The following TBC1D31 variants were observed in gnomAD, a reference collection of about 807,000 sequenced individuals.
TBC1D31 encodes the protein WD repeat domain 67.
In TBC1D31, 99 loss-of-function variants were observed where a neutral mutation model predicts 132.9. The observed-to-expected ratio is 0.74, with a 90% CI of 0.63 to 0.88. The LOEUF is 0.88. Among genes scored for constraint, TBC1D31 ranks in the 40% least tolerant of loss-of-function variants. The pLI is 0.00. For missense variants in TBC1D31, 1,134 were observed against 1,256.6 expected (o/e 0.90, Z 1.48); for synonymous variants, 385 against 419.4 (o/e 0.92, Z 1.00).
downstream of TBC1D31, among the ~76,000 whole-genome samples, chr8:123,154,302 G>T (rs1207552813): frequency 6.6e-6 from 1 of 152,192 alleles, no homozygotes; most frequent in East Asian, 1.9e-4. Context: ...CAACTATGAA[G>T]ACGTAAAGAG....
rs143785557 is a variant in TBC1D31 at position 123,105,532 on chromosome 8, A to G, written c.1209+68A>G. ...AGACAAGTCTTGTGATTTCTAAGCC[A>G]TCACCACTCTTCTCTCTCTTGGGAA... is the stretch of plus-strand genomic sequence containing the variant. On this transcript the variant is annotated intron_variant, in intron 8 of 21. Coordinates refer to ENST00000287380, the MANE Select transcript of TBC1D31 (RefSeq NM_145647.4). 16 of 1,275,866 alleles carry G rather than the reference A, an allele frequency of 1.3e-5. No homozygotes were observed. In the East Asian group the frequency reaches 3.4e-4, roughly 27 times the overall value. 79.0% of individuals were successfully genotyped at this position (1,275,866 alleles called of 1,614,324 possible). A position where few individuals can be genotyped will look rare whatever the true frequency, so the allele number is the denominator to read the frequency against.
intron 11 of TBC1D31, among the ~76,000 whole-genome samples, chr8:123,121,384 G>A (rs78026821): frequency 0.014 from 2,097 of 152,274 alleles, 40 homozygotes; most frequent in African/African-American, 0.048. Flanking sequence ...TCCCCAAAAG[G>A]GTTGTCATAT....
At chr8:123,129,955 T>C (rs1820447055) in intron 15 of TBC1D31, among the ~76,000 whole-genome samples, 1 of 152,212 alleles carries the variant, frequency 6.6e-6, no homozygotes, top group Non-Finnish European at 1.5e-5. Flanking sequence ...TGGAACTTTA[T>C]GTAACAGATT....
At chr8:123,078,859 C>G (rs1389629760) in intron 2 of TBC1D31, among the ~76,000 whole-genome samples, 1 of 152,004 alleles carries the variant, frequency 6.6e-6, no homozygotes, top group Non-Finnish European at 1.5e-5. Context: ...CCACAAAATA[C>G]TTATTAATTA....
chr8:123,093,734 TG>T lies in TBC1D31; in HGVS notation c.664del (p.Val222Ter), dbSNP rs1187849411. ...CTAGTATATTATACAAAGTGTTTGC[TG>T]TAACCAGGTAATGTGCATTTTAAGA... is the stretch of plus-strand genomic sequence containing the variant. ...SSSILYKVFA[V>X]TRDGRILAAG... On this transcript the variant is annotated frameshift_variant, in exon 5 of 22. Transcript: ENST00000287380. LOFTEE classifies it high-confidence loss of function. The T allele has an allele frequency of 4.4e-6, 7 of 1,580,580 alleles. No homozygotes were observed. Among genetic ancestry groups the T allele is most frequent in the Non-Finnish European group, 6.0e-6 (7 of 1,159,580 alleles).
chr8:123,138,962 A>C (rs891190338), intron 17 of TBC1D31, among the ~76,000 whole-genome samples: 2 of 152,058 alleles, frequency 1.3e-5, no homozygotes, highest in Non-Finnish European at 2.9e-5. Context: ...GGCGCACACC[A>C]TCACACCCTG....
At chr8:123,133,997 C>T in intron 16 of TBC1D31, 117 bp from the exon 17 acceptor site, 4 of 632,096 alleles carry the variant, frequency 6.3e-6, no homozygotes, top group South Asian at 2.9e-5. Context: ...TTCAAAAACC[C>T]AGTTGCTGTT....
chr8:123,092,176 G>A (rs1243262651), intron 4 of TBC1D31, among the ~76,000 whole-genome samples: 16 of 152,026 alleles, frequency 1.1e-4, no homozygotes, highest in African/African-American at 3.4e-4. Context: ...CACCACACCC[G>A]GCTAATTTTT....
chr8:123,112,786 G>C (rs1818572926), intron 10 of TBC1D31, among the ~76,000 whole-genome samples: 1 of 152,162 alleles, frequency 6.6e-6, no homozygotes, highest in African/African-American at 2.4e-5. Context: ...TTTTCAATTA[G>C]AGAAAACATC....
chr8:123,154,844 G>A (rs968923500), downstream of TBC1D31, among the ~76,000 whole-genome samples: 15 of 152,212 alleles, frequency 9.9e-5, no homozygotes, highest in South Asian at 2.1e-4. Context: ...CTGGTGGGCC[G>A]TGAAGCAAGA....
intron 5 of TBC1D31, among the ~76,000 whole-genome samples, chr8:123,094,488 T>C (rs915307997): frequency 6.6e-6 from 1 of 152,060 alleles, no homozygotes; most frequent in African/African-American, 2.4e-5. Context: ...TTTGGAAATA[T>C]AACCATAGTA....
At chr8:123,139,954 C>G (rs1821465340) in intron 17 of TBC1D31, among the ~76,000 whole-genome samples, 1 of 152,148 alleles carries the variant, frequency 6.6e-6, no homozygotes, top group Admixed American at 6.5e-5. Context: ...TTTCAGGGAC[C>G]ACCAGACAGG....
chr8:123,101,059 A>T (rs1433986339), intron 7 of TBC1D31, 52 bp downstream of exon 7: 1 of 1,259,388 alleles, frequency 7.9e-7, no homozygotes, highest in Non-Finnish European at 1.1e-6. Context: ...CTTATATATT[A>T]TATCATCAAG....
chr8:123,142,263 T>C lies in TBC1D31; in HGVS notation c.2642T>C (p.Val881Ala), dbSNP rs1821775446. The change falls in exon 19 of 22, where the codon GTG becomes GCG. Residue 881 changes from valine to alanine, a missense_variant and splice_region_variant. Physicochemically the swap from Val to Ala is moderately conservative, Grantham distance 64. Coordinates refer to ENST00000287380, the MANE Select transcript of TBC1D31 (RefSeq NM_145647.4). ...CTGAAATGTATAACTTTTTCCTAGGTGATTAAAGAAAATTTGGCAAAGGCT... is the reference window on the plus strand; with the variant it reads ...CTGAAATGTATAACTTTTTCCTAGGCGATTAAAGAAAATTTGGCAAAGGCT... Reference protein sequence around the residue: ...GETQSQKTQKVIKENLAKAEQ... With the variant: ...GETQSQKTQKAIKENLAKAEQ... 2.6e-6 allele frequency: 4 copies of C among 1,564,660 alleles called. No homozygotes were observed. In the African/African-American group the frequency reaches 4.2e-5, roughly 16 times the overall value.
At chr8:123,106,546 A>G (rs1817939250) in intron 8 of TBC1D31, among the ~76,000 whole-genome samples, 1 of 152,212 alleles carries the variant, frequency 6.6e-6, no homozygotes, top group South Asian at 2.1e-4. Context: ...AAAACATAAT[A>G]TATTTAGGGT....
the TBC1D31 span, among the ~76,000 whole-genome samples, chr8:123,164,393 G>A: frequency 6.6e-6 from 1 of 152,178 alleles, no homozygotes; most frequent in African/African-American, 2.4e-5. Context: ...GGCAGAGGGT[G>A]CAGAGTCTCA....
downstream of TBC1D31, among the ~76,000 whole-genome samples, chr8:123,152,844 C>A (rs181359979): frequency 2.1e-3 from 325 of 152,300 alleles, 1 homozygote; most frequent in Middle Eastern, 0.01. Flanking sequence ...GCACTCCAGC[C>A]TGGGCAACAG....
At chr8:123,135,772 A>C (rs1000332792) in intron 17 of TBC1D31, among the ~76,000 whole-genome samples, 7 of 152,220 alleles carry the variant, frequency 4.6e-5, no homozygotes, top group Non-Finnish European at 1.0e-4. Context: ...AGGGATTTAC[A>C]GTTTGGCTGA....
chr8:123,136,575 C>T (rs529279326), intron 17 of TBC1D31, among the ~76,000 whole-genome samples: 2 of 152,180 alleles, frequency 1.3e-5, no homozygotes, highest in African/African-American at 2.4e-5. Context: ...CTCAGCCTCC[C>T]GAGTAGCTGG....
Sources: gnomAD v4.1 joint callset for allele counts (sites outside exome capture counted in the v4.1 genomes callset) on GRCh38, gnomAD v4.1.1 for gene constraint, MANE v1.5 for transcripts, NCBI Gene and HGNC (gene_info 2026-07-23, HGNC 2026-07-21) for gene names.